The following KCNMB2 variants were observed in gnomAD, a reference collection of about 807,000 sequenced individuals.
KCNMB2 encodes the protein potassium calcium-activated channel subfamily M regulatory beta subunit 2, also known as calcium-activated potassium channel subunit beta-2.
In KCNMB2, 9 loss-of-function variants were observed where a neutral mutation model predicts 24.5. That is an observed-to-expected ratio of 0.37 (90% CI 0.22 to 0.64). The LOEUF (loss-of-function observed/expected upper bound fraction) is 0.64, where lower values mean the gene tolerates loss of function less well. Ranked by LOEUF, KCNMB2 falls within the 30% of genes least tolerant of loss-of-function variation. The pLI, the probability that KCNMB2 is intolerant of heterozygous loss-of-function variation, is 0.63. For synonymous variants in KCNMB2, 109 were observed against 104.4 expected (o/e 1.04, Z -0.27); for missense variants, 226 against 284.3 (o/e 0.79, Z 1.47).
intron 1 of KCNMB2, among the ~76,000 whole-genome samples, chr3:178,656,060 G>A (rs908403772): frequency 6.6e-6 from 1 of 152,112 alleles, no homozygotes; most frequent in Admixed American, 6.5e-5. Flanking sequence ...GGCAACAATT[G>A]TCTCATAACC....
At chr3:178,840,599 C>T (rs984810774) in intron 4 of KCNMB2, among the ~76,000 whole-genome samples, 2 of 152,242 alleles carry the variant, frequency 1.3e-5, no homozygotes, top group African/African-American at 2.4e-5. Flanking sequence ...AAAACCTTAA[C>T]TCTTTTGCAC....
chr3:178,796,437 T>C (rs1713543489), intron 1 of KCNMB2, among the ~76,000 whole-genome samples: 1 of 152,208 alleles, frequency 6.6e-6, no homozygotes, highest in South Asian at 2.1e-4. Flanking sequence ...TTTCATCCAA[T>C]GGCAGCAGAA....
At chr3:178,564,397 T>C (rs959144014) in intron 1 of KCNMB2, among the ~76,000 whole-genome samples, 16 of 152,208 alleles carry the variant, frequency 1.1e-4, no homozygotes, top group Non-Finnish European at 1.3e-4. Flanking sequence ...AATTCAGTGC[T>C]TATGTAGGTC....
intron 1 of KCNMB2, among the ~76,000 whole-genome samples, chr3:178,750,721 C>T (rs1016272615): frequency 3.9e-5 from 6 of 152,184 alleles, no homozygotes; most frequent in African/African-American, 1.4e-4. Flanking sequence ...TTTGGCACTG[C>T]TTTTCAGACA....
intron 1 of KCNMB2, among the ~76,000 whole-genome samples, chr3:178,806,584 C>T (rs1713978364): frequency 6.6e-6 from 1 of 151,666 alleles, no homozygotes; most frequent in Non-Finnish European, 1.5e-5. Flanking sequence ...ATTTAATGTT[C>T]CTAACTCTCA....
chr3:178,700,407 C>T (rs932572059), intron 1 of KCNMB2, among the ~76,000 whole-genome samples: 1 of 152,226 alleles, frequency 6.6e-6, no homozygotes, highest in African/African-American at 2.4e-5. Context: ...TATACACAAG[C>T]TCTCTTATAG....
intron 1 of KCNMB2, among the ~76,000 whole-genome samples, chr3:178,789,697 C>G (rs1209621048): frequency 3.6e-4 from 54 of 152,006 alleles, no homozygotes; most frequent in Admixed American, 3.5e-3. Flanking sequence ...CACCATCAGA[C>G]AGAATATTTA....
chr3:178,797,879 T>G (rs2108445394), intron 1 of KCNMB2, among the ~76,000 whole-genome samples: 1 of 152,326 alleles, frequency 6.6e-6, no homozygotes, highest in East Asian at 1.9e-4. Flanking sequence ...TCCTAGGTAT[T>G]TTATTCACTT....
intron 1 of KCNMB2, among the ~76,000 whole-genome samples, chr3:178,725,749 T>C (rs77301900): frequency 0.014 from 2,134 of 152,152 alleles, 53 homozygotes; most frequent in African/African-American, 0.048. Context: ...GATATTAATA[T>C]AAACATGTCC....
In KCNMB2 at chr3:178,602,576, G is replaced by C. The variant is rs577158359; in HGVS notation, c.-68+65865G>C. ...TGGGTACTGGGAGGTTCGGGGGTGG[G>C]GGGGAGGAGTGATATGTAAGCAAAG... On this transcript the variant is annotated intron_variant, in intron 1 of 4. Coordinates refer to ENST00000452583, the MANE Select transcript of KCNMB2 (RefSeq NM_181361.3). Among the ~76,000 whole-genome samples the C allele has an allele frequency of 8.5e-5, 13 of 152,062 alleles. No individual in the cohort carries two copies. The East Asian group carries it at 1.2e-3, about 14-fold the overall frequency.
At chr3:178,775,495 T>C (rs997604208) in intron 1 of KCNMB2, among the ~76,000 whole-genome samples, 2 of 152,238 alleles carry the variant, frequency 1.3e-5, no homozygotes, top group African/African-American at 2.4e-5. Flanking sequence ...ACTATCTTTT[T>C]ACTGAAACCT....
intron 1 of KCNMB2, among the ~76,000 whole-genome samples, chr3:178,615,076 C>G (rs1254404854): frequency 1.3e-5 from 2 of 152,204 alleles, no homozygotes; most frequent in Non-Finnish European, 2.9e-5. Flanking sequence ...TCTGGATTAC[C>G]TGACAGAAAC....
At chr3:178,632,477 G>A (rs528845300) in intron 1 of KCNMB2, among the ~76,000 whole-genome samples, 1 of 152,284 alleles carries the variant, frequency 6.6e-6, no homozygotes, top group East Asian at 1.9e-4. Context: ...TCACATGGCA[G>A]CAGCAAGGAG....
intron 1 of KCNMB2, among the ~76,000 whole-genome samples, chr3:178,740,856 T>C (rs1316044302): frequency 2.6e-5 from 4 of 152,196 alleles, no homozygotes; most frequent in Admixed American, 1.3e-4. Flanking sequence ...ATTCTTACTA[T>C]CCTTCACCTT....
intron 1 of KCNMB2, among the ~76,000 whole-genome samples, chr3:178,804,562 A>AT (rs1713891975): frequency 6.6e-6 from 1 of 152,194 alleles, no homozygotes; most frequent in Admixed American, 6.5e-5. Flanking sequence ...ATAAATATAT[A>AT]TTTAATCTCC....
chr3:178,565,409 G>A (rs1716481614), intron 1 of KCNMB2, among the ~76,000 whole-genome samples: 1 of 152,170 alleles, frequency 6.6e-6, no homozygotes, highest in African/African-American at 2.4e-5. Context: ...ACGTTACACT[G>A]TCTAGAGTGG....
chr3:178,737,493 A>G (rs1723356291), intron 1 of KCNMB2, among the ~76,000 whole-genome samples: 1 of 152,220 alleles, frequency 6.6e-6, no homozygotes, highest in African/African-American at 2.4e-5. Flanking sequence ...ACATTACAGC[A>G]CATTGTTAGT....
intron 1 of KCNMB2, among the ~76,000 whole-genome samples, chr3:178,551,892 T>G (rs1228622927): frequency 6.6e-6 from 1 of 152,208 alleles, no homozygotes; most frequent in African/African-American, 2.4e-5. Context: ...ATATCCCATT[T>G]GACACCTGCT....
At chr3:178,674,182 C>A (rs1720996337) in intron 1 of KCNMB2, among the ~76,000 whole-genome samples, 1 of 151,954 alleles carries the variant, frequency 6.6e-6, no homozygotes, top group Admixed American at 6.6e-5. Context: ...CTCATCTCTT[C>A]TACCTCTTCT....
Sources: gnomAD v4.1 joint callset for allele counts (sites outside exome capture counted in the v4.1 genomes callset) on GRCh38, gnomAD v4.1.1 for gene constraint, MANE v1.5 for transcripts, NCBI Gene and HGNC (gene_info 2026-07-23, HGNC 2026-07-21) for gene names.